The following DDX31 variants were observed in gnomAD, a reference collection of about 807,000 sequenced individuals.
DDX31 encodes DEAD-box helicase 31.
A neutral mutation model predicts 91.3 loss-of-function variants in DDX31; 70 were observed. The observed-to-expected ratio is 0.77, with a 90% CI of 0.63 to 0.94. DDX31 has a LOEUF of 0.94. Ranked by LOEUF, DDX31 falls within the 40% of genes least tolerant of loss-of-function variation. DDX31 has a pLI of 0.00. For missense variants in DDX31, 902 were observed against 925.0 expected (o/e 0.98, Z 0.32); for synonymous variants, 362 against 350.6 (o/e 1.03, Z -0.36).
rs761859130 is a variant in DDX31, at chr9:132,662,700, G to A, written c.76-5C>T. Reference sequence around the variant, plus strand: ...TCTTTTCGTAGCCTTTGCTTGCTGCGTTGTTCCCAGAAGGAAAGATCAACA... The same window carrying A: ...TCTTTTCGTAGCCTTTGCTTGCTGCATTGTTCCCAGAAGGAAAGATCAACA... On this transcript the variant is annotated splice_region_variant and splice_polypyrimidine_tract_variant and intron_variant, in intron 1 of 19. Coordinates refer to ENST00000372159, the MANE Select transcript of DDX31 (RefSeq NM_022779.9). The A allele has an allele frequency of 6.8e-6, 11 of 1,613,762 alleles. No homozygotes were observed. The Admixed American group carries it at 8.3e-5, about 12-fold the overall frequency.
At chr9:132,619,858 G>A (rs906186255) in intron 17 of DDX31, among the ~76,000 whole-genome samples, 8 of 149,824 alleles carry the variant, frequency 5.3e-5, no homozygotes, top group African/African-American at 2.0e-4. Flanking sequence ...CACCTCAGCA[G>A]CGCAACTGTC....
chr9:132,659,618 A>T, intron 5 of DDX31, 92 bp downstream of exon 5: 1 of 1,308,528 alleles, frequency 7.6e-7, no homozygotes, highest in Non-Finnish European at 1.1e-6. Flanking sequence ...CAAAACTGCC[A>T]CCACCACCAA....
intron 1 of DDX31, among the ~76,000 whole-genome samples, chr9:132,664,990 G>A (rs1410453161): frequency 6.6e-6 from 1 of 152,126 alleles, no homozygotes; most frequent in African/African-American, 2.4e-5. Context: ...TCTTCACCCA[G>A]TCAAGCCAAG....
intron 17 of DDX31, among the ~76,000 whole-genome samples, chr9:132,619,102 A>T (rs1225674681): frequency 6.6e-6 from 1 of 152,246 alleles, no homozygotes; most frequent in African/African-American, 2.4e-5. Context: ...TGTAAGAAGT[A>T]GCATCTGTGT....
intron 12 of DDX31, 81 bp from the exon 13 acceptor site, chr9:132,646,152 A>G (rs1291741476): frequency 2.9e-6 from 4 of 1,397,458 alleles, no homozygotes; most frequent in African/African-American, 2.9e-5. Flanking sequence ...TAAACTATAC[A>G]GTCATGCTGA....
chr9:132,600,186 G>A (rs1447657142), intron 19 of DDX31, among the ~76,000 whole-genome samples: 1 of 152,240 alleles, frequency 6.6e-6, no homozygotes, highest in African/African-American at 2.4e-5. Flanking sequence ...GGTCAGTGAG[G>A]AAAAGGAACT....
Position 132,669,610 on chromosome 9 carries a change from C to G in DDX31, c.75+250G>C. ...GCCTCTAATTCCTTCCTTTACTTTTCTAGGCGCAGGAGCCAGCTCCCCGCC... is the reference window on the plus strand; with the variant it reads ...GCCTCTAATTCCTTCCTTTACTTTTGTAGGCGCAGGAGCCAGCTCCCCGCC... On this transcript the variant is annotated intron_variant, in intron 1 of 19. Transcript: ENST00000372159. 2.0e-6 allele frequency: 3 copies of G among 1,520,992 alleles called. No individual in the cohort carries two copies. The South Asian group carries it at 3.6e-5, about 18-fold the overall frequency. The allele number at this position is 1,520,992 out of a possible 1,614,324, so 94.2% of individuals were successfully genotyped here.
chr9:132,619,483 C>T (rs977474496), intron 17 of DDX31, among the ~76,000 whole-genome samples: 2 of 152,166 alleles, frequency 1.3e-5, no homozygotes, highest in African/African-American at 4.8e-5. Context: ...CTCACTAAGA[C>T]TCCCTGAGCC....
chr9:132,654,915 CA>C (rs1442674206), intron 6 of DDX31, among the ~76,000 whole-genome samples: 1 of 130,282 alleles, frequency 7.7e-6, no homozygotes, highest in Non-Finnish European at 1.6e-5. Flanking sequence ...CACTCCACTC[CA>C]ACCAGGGCAA....
rs200647584 is a variant in DDX31, at chr9:132,660,764, CTTCT to C, written c.452+440_452+443del. 7.1e-3 allele frequency among the ~76,000 whole-genome samples: 1,082 copies of C among 152,300 alleles called. 13 individuals are homozygous for C. Among genetic ancestry groups the C allele is most frequent in the African/African-American group, 0.025 (1,036 of 41,570 alleles). ...AGCTCATCTCCTCGCACCTATTTTA[CTTCT>C]TTATTTTCCAGGAGTCATTCCCTGT... On this transcript the variant is annotated intron_variant, in intron 4 of 19. Coordinates refer to ENST00000372159, the MANE Select transcript of DDX31 (RefSeq NM_022779.9).
chr9:132,669,775 C>T (rs973005196), intron 1 of DDX31, 85 bp downstream of exon 1: 2 of 1,519,918 alleles, frequency 1.3e-6, no homozygotes, highest in Non-Finnish European at 1.8e-6. Context: ...ACTCGAAACC[C>T]GACTCCAAGG....
chr9:132,636,836 C>T (rs557821901), intron 14 of DDX31, among the ~76,000 whole-genome samples: 36 of 152,320 alleles, frequency 2.4e-4, no homozygotes, highest in African/African-American at 8.4e-4. Context: ...GAAGAGAGAA[C>T]TGGACTGCTT....
chr9:132,662,239 GA>G, intron 3 of DDX31, 21 bp downstream of exon 3: 1 of 1,613,626 alleles, frequency 6.2e-7, no homozygotes, highest in Non-Finnish European at 8.5e-7. Context: ...AACTGACCCA[GA>G]AAACACTGAA....
rs755974339 is a variant in DDX31, at chr9:132,630,410, A to G, written c.1492-7T>C. 1.3e-6 allele frequency: 2 copies of G among 1,578,904 alleles called. No individual in the cohort carries two copies. The highest frequency in any genetic ancestry group is 1.7e-6 in the Non-Finnish European group (2 of 1,152,528). On this transcript the variant is annotated splice_region_variant and splice_polypyrimidine_tract_variant and intron_variant, in intron 15 of 19. Coordinates refer to ENST00000372159, the MANE Select transcript of DDX31 (RefSeq NM_022779.9). Reference sequence around the variant, plus strand: ...GTGAAGATGGAGCGTTGTACTAAAAAGGGTAACAAAAATGAAGGCATTCAT... The same window carrying G: ...GTGAAGATGGAGCGTTGTACTAAAAGGGGTAACAAAAATGAAGGCATTCAT...
chr9:132,651,172 T>A (rs908609552), intron 7 of DDX31, 56 bp from the exon 8 acceptor site: 58 of 1,328,224 alleles, frequency 4.4e-5, no homozygotes, highest in Non-Finnish European at 5.5e-5. Flanking sequence ...TTTTTTTTTT[T>A]AAAGACAATT....
intron 12 of DDX31, 138 bp from the exon 13 acceptor site, chr9:132,646,209 AC>A (rs1419854400): frequency 8.8e-5 from 77 of 872,406 alleles, no homozygotes; most frequent in Non-Finnish European, 1.2e-4. Context: ...ATTTAAAAAA[AC>A]AAAAACAAAA....
intron 15 of DDX31, among the ~76,000 whole-genome samples, 174 bp downstream of exon 15, chr9:132,631,867 G>A (rs1832747034): frequency 1.3e-5 from 2 of 152,158 alleles, no homozygotes; most frequent in Admixed American, 6.6e-5. Context: ...GTGGTGAGGT[G>A]GGCTGGGTTA....
At chr9:132,656,081 G>A (rs1834544027) in intron 6 of DDX31, among the ~76,000 whole-genome samples, 1 of 152,116 alleles carries the variant, frequency 6.6e-6, no homozygotes, top group South Asian at 2.1e-4. Flanking sequence ...AAGTAAGTGA[G>A]GGAGGATGGA....
At chr9:132,651,489 T>C (rs1016518854) in intron 7 of DDX31, among the ~76,000 whole-genome samples, 9 of 152,120 alleles carry the variant, frequency 5.9e-5, no homozygotes, top group Non-Finnish European at 1.3e-4. Flanking sequence ...GAATATAATA[T>C]GTACGCAGAG....
Sources: gnomAD v4.1 joint callset for allele counts (sites outside exome capture counted in the v4.1 genomes callset) on GRCh38, gnomAD v4.1.1 for gene constraint, MANE v1.5 for transcripts, NCBI Gene and HGNC (gene_info 2026-07-23, HGNC 2026-07-21) for gene names.